The following CCDC197 variants were observed in gnomAD, a reference collection of about 807,000 sequenced individuals.
CCDC197 encodes uncharacterized protein CCDC197.
Under a neutral mutation model 13.4 loss-of-function variants are expected in CCDC197, and 24 were observed. The observed-to-expected ratio is 1.80, with a 90% CI of 1.30 to 2.53. The LOEUF (loss-of-function observed/expected upper bound fraction) is 2.53, where lower values mean the gene tolerates loss of function less well. CCDC197 is among the 30% of genes most tolerant of loss of function. The pLI, the probability that CCDC197 is intolerant of heterozygous loss-of-function variation, is 0.00. For missense variants in CCDC197, 255 were observed against 148.8 expected, an observed-to-expected ratio of 1.71 and a Z score of -3.71; for synonymous variants, 99 against 55.5, an observed-to-expected ratio of 1.78 and a Z score of -3.48.
intron 1 of CCDC197, among the ~76,000 whole-genome samples, 160 bp from the exon 2 acceptor site, chr14:93,997,839 G>A (rs888798183): frequency 5.3e-5 from 8 of 152,182 alleles, no homozygotes; most frequent in Non-Finnish European, 4.4e-5. Flanking sequence ...GTGAAACAAG[G>A]CCCCTGCAGA....
intron 2 of CCDC197, among the ~76,000 whole-genome samples, chr14:93,999,078 C>A (rs1475081236): frequency 6.6e-6 from 1 of 152,254 alleles, no homozygotes; most frequent in Non-Finnish European, 1.5e-5. Flanking sequence ...TGGCCGCCTC[C>A]CCTCTGGGGG....
downstream of CCDC197, among the ~76,000 whole-genome samples, chr14:94,010,745 A>G (rs953392080): frequency 3.3e-5 from 5 of 152,192 alleles, no homozygotes; most frequent in African/African-American, 1.2e-4. Context: ...GGCCCCAAAC[A>G]CCAGGCTGAG....
At chr14:93,990,740 A>C (rs1890195446) in intron 1 of CCDC197, among the ~76,000 whole-genome samples, 1 of 152,172 alleles carries the variant, frequency 6.6e-6, no homozygotes, top group African/African-American at 2.4e-5. Flanking sequence ...CATTCAGGAG[A>C]GGCCTGGCCT....
chr14:93,987,417 C>T (rs1215129135), intron 1 of CCDC197: 1 of 152,366 alleles, frequency 6.6e-6, no homozygotes, highest in Non-Finnish European at 1.5e-5. Context: ...TTTGCCAGAT[C>T]TTCTTGGTAG....
At chr14:94,002,120 G>A (rs533497791) in intron 4 of CCDC197, among the ~76,000 whole-genome samples, 4 of 152,188 alleles carry the variant, frequency 2.6e-5, no homozygotes, top group Non-Finnish European at 5.9e-5. Flanking sequence ...CAAGGGCTGG[G>A]ACTAGGGAAA....
intron 1 of CCDC197, among the ~76,000 whole-genome samples, chr14:93,989,764 C>A (rs1890174015): frequency 6.6e-6 from 1 of 152,150 alleles, no homozygotes; most frequent in African/African-American, 2.4e-5. Flanking sequence ...GGTTAGAAGC[C>A]TGGGAGGGCT....
At chr14:94,005,851 C>A (rs1293035658) in intron 6 of CCDC197, among the ~76,000 whole-genome samples, 2 of 152,176 alleles carry the variant, frequency 1.3e-5, no homozygotes, top group Admixed American at 6.5e-5. Context: ...GCTGAATAGT[C>A]CATGGTATGG....
At chr14:93,991,607 C>T (rs1385726343) in intron 1 of CCDC197, among the ~76,000 whole-genome samples, 1 of 152,212 alleles carries the variant, frequency 6.6e-6, no homozygotes, top group East Asian at 1.9e-4. Context: ...CGGTCCCAGT[C>T]CTTGACCTCA....
At chr14:93,999,536 C>CTT (rs1890425579) in intron 2 of CCDC197, 47 bp from the exon 3 acceptor site, 1 of 778,130 alleles carries the variant, frequency 1.3e-6, no homozygotes, top group Non-Finnish European at 2.4e-6. Flanking sequence ...GGGGGTCCTG[C>CTT]GTGACCTGGG....
intron 6 of CCDC197, among the ~76,000 whole-genome samples, chr14:94,007,990 C>G (rs1176615219): frequency 6.6e-6 from 1 of 152,160 alleles, no homozygotes; most frequent in Non-Finnish European, 1.5e-5. Context: ...AATTGGCATC[C>G]CTAGTTATAT....
intron 1 of CCDC197, among the ~76,000 whole-genome samples, chr14:93,988,829 A>AG (rs1278236519): frequency 2.1e-5 from 2 of 93,386 alleles, no homozygotes; most frequent in Non-Finnish European, 4.2e-5. Flanking sequence ...AAGGGATGGG[A>AG]GAGGGCATGG....
Position 94,004,864 on chromosome 14 carries a change from CT to C in CCDC197, c.509del (p.Leu170ProfsTer6), listed in dbSNP as rs1295274421. The C allele has an allele frequency of 2.8e-6, 2 of 702,876 alleles. No individual in the cohort carries two copies. The highest frequency in any genetic ancestry group is 5.2e-6 in the Non-Finnish European group (2 of 384,958). The allele number at this position is 702,876 out of a possible 1,614,324, so 43.5% of individuals were successfully genotyped here. On this transcript the variant is annotated frameshift_variant, in exon 6 of 7. Coordinates refer to ENST00000636493, the MANE Select transcript of CCDC197 (RefSeq NM_001351596.2). LOFTEE classifies it high-confidence loss of function. ...HTSSSYNDQLLGYMQMTITNM... is the reference protein window; with the variant it reads ...HTSSSYNDQLXGYMQMTITNM... ...CTTCTCTTTCCTGCAGGATCAGCTG[CT>C]CGGCTACATGCAAATGACCATCACC...
upstream of CCDC197, among the ~76,000 whole-genome samples, chr14:93,993,913 T>C (rs950903181): frequency 3.3e-5 from 5 of 152,170 alleles, no homozygotes; most frequent in Non-Finnish European, 5.9e-5. Context: ...TGTGGAACCT[T>C]GGCAGCTCCT....
intron 6 of CCDC197, among the ~76,000 whole-genome samples, chr14:94,005,184 G>A (rs1890646795): frequency 6.6e-6 from 1 of 152,098 alleles, no homozygotes; most frequent in Non-Finnish European, 1.5e-5. Context: ...CAGTGTAGAA[G>A]GTGCATAGAG....
rs1890385451 is a variant in CCDC197 at position 93,998,324 on chromosome 14, G to A, written c.104+89G>A. 6 of 711,386 alleles carry A rather than the reference G, an allele frequency of 8.4e-6. No individual in the cohort carries two copies. In the Admixed American group the frequency reaches 1.2e-4, roughly 14 times the overall value. The allele number at this position is 711,386 out of a possible 1,614,324, so 44.1% of individuals were successfully genotyped here. On this transcript the variant is annotated intron_variant, in intron 2 of 6. Transcript: ENST00000636493. ...TGGACTTAGCAAACATGTCCCCGAG[G>A]AGGCCAGGACAGGGGGTGGATGAGG...
At chr14:94,005,742 C>T (rs1246686566) in intron 6 of CCDC197, among the ~76,000 whole-genome samples, 1 of 152,102 alleles carries the variant, frequency 6.6e-6, no homozygotes, top group African/African-American at 2.4e-5. Flanking sequence ...ATACATTTAG[C>T]GTCTGGCTGC....
chr14:93,995,999 C>T (rs995104822), upstream of CCDC197, among the ~76,000 whole-genome samples: 3 of 152,222 alleles, frequency 2.0e-5, no homozygotes, highest in African/African-American at 7.2e-5. Context: ...TCCGTGCCTC[C>T]GAACCTTTGT....
intron 3 of CCDC197, 78 bp downstream of exon 3, chr14:93,999,743 G>A: frequency 1.3e-6 from 1 of 756,570 alleles, no homozygotes; most frequent in Non-Finnish European, 2.5e-6. Flanking sequence ...ACCGTGTGTG[G>A]CCTCATGGAG....
rs570018523 is a variant in CCDC197, at chr14:93,988,018, GGAGGGGTGAGGCCAGAGAGGAGAA to G, written c.-107+631_-107+654del. 2.0e-4 allele frequency among the ~76,000 whole-genome samples: 26 copies of G among 132,166 alleles called. No individual in the cohort carries two copies. In the East Asian group the frequency reaches 3.4e-3, roughly 17 times the overall value. 86.7% of individuals were successfully genotyped at this position (132,166 alleles called of 152,430 possible). A position where few individuals can be genotyped will look rare whatever the true frequency, so the allele number is the denominator to read the frequency against. ...GGGGCATCTGGAAGGAGGAGTGAGAGGAGGGGTGAGGCCAGAGAGGAGAAGAGGGGTGGGGCCGGAGAGGAGAGG... is the reference window on the plus strand; with the variant it reads ...GGGGCATCTGGAAGGAGGAGTGAGAGGAGGGGTGGGGCCGGAGAGGAGAGG... On this transcript the variant is annotated intron_variant, in intron 1 of 7. Coordinates refer to the CCDC197 transcript ENST00000640978.
Sources: gnomAD v4.1 joint callset for allele counts (sites outside exome capture counted in the v4.1 genomes callset) on GRCh38, gnomAD v4.1.1 for gene constraint, MANE v1.5 for transcripts, NCBI Gene and HGNC (gene_info 2026-07-23, HGNC 2026-07-21) for gene names.